OTOGL: variants seen among roughly 807,000 people sequenced by gnomAD.
OTOGL encodes the protein otogelin-like protein.
In OTOGL, 285 loss-of-function variants were observed where a neutral mutation model predicts 318.5. The ratio of observed to expected loss-of-function variants is 0.89; its 90% CI spans 0.81 to 0.99. OTOGL has a LOEUF of 0.99. Among genes scored for constraint, OTOGL ranks in the 50% least tolerant of loss-of-function variants. OTOGL has a pLI of 0.00. For synonymous variants in OTOGL, 987 were observed against 936.5 expected, an observed-to-expected ratio of 1.05 and a Z score of -0.99; for missense variants, 2,899 against 2,845.6, an observed-to-expected ratio of 1.02 and a Z score of -0.43.
At chr12:80,355,057 A>C (rs914644445) in intron 46 of OTOGL, among the ~76,000 whole-genome samples, 1 of 152,058 alleles carries the variant, frequency 6.6e-6, no homozygotes, top group Non-Finnish European at 1.5e-5. Flanking sequence ...AACTAATTTA[A>C]ATTTATATTA....
At chr12:80,213,494 A>G (rs190702358) in intron 4 of OTOGL, among the ~76,000 whole-genome samples, 14 of 152,156 alleles carry the variant, frequency 9.2e-5, no homozygotes, top group African/African-American at 3.4e-4. Context: ...CAGATCTCAG[A>G]CTCATTTTAC....
At position 80,114,553 on chromosome 12, in the gene OTOGL, C is replaced by T. The variant is rs1052280401; in HGVS notation, c.-20+14948C>T. Among the ~76,000 whole-genome samples, 5 of 152,140 alleles carry T rather than the reference C, an allele frequency of 3.3e-5. 1 individual carries two copies. Among genetic ancestry groups the T allele is most frequent in the South Asian group, 4.2e-4 (2 of 4,804 alleles). On this transcript the variant is annotated intron_variant, in intron 1 of 58. Transcript: ENST00000547103. ...TCTGGCTGCCCTTAACGTTTTTTTC[C>T]ACCATTTCAACCTTGGTGAATCTGA...
chr12:80,180,018 T>G (rs1874808319), intron 1 of OTOGL, among the ~76,000 whole-genome samples: 1 of 152,202 alleles, frequency 6.6e-6, no homozygotes, highest in Non-Finnish European at 1.5e-5. Context: ...GAAGATGTAG[T>G]CTAAGCTGTA....
rs1440977583 is a variant in OTOGL, at chr12:80,356,852, G to C, written c.5957G>C (p.Arg1986Thr). The C allele has an allele frequency of 1.2e-6, 2 of 1,600,044 alleles. No individual in the cohort carries two copies. The highest frequency in any genetic ancestry group is 1.7e-5 in the Admixed American group (1 of 58,122). The change falls in exon 49 of 59, where the codon AGA (arginine) becomes ACA (threonine). Residue 1986 changes from arginine (R) to threonine (T), a missense_variant. Transcript: ENST00000547103. ...CCCAGTATTTCAACACCAGAATGCA[G>C]AGAAGATCAATTCATGATTCAAGTT... ...KCPSISTPEC[R>T]EDQFMIQVRQ...
At chr12:80,265,330 T>G (rs1882870638) in intron 20 of OTOGL, 120 bp downstream of exon 20, 2 of 1,017,360 alleles carry the variant, frequency 2.0e-6, no homozygotes, top group African/African-American at 1.6e-5. Flanking sequence ...ATTTGAAATA[T>G]TCTCATAATG....
rs1311252854 is a variant in OTOGL, at chr12:80,253,517, GTT to G, written c.1340_1341del (p.Phe447SerfsTer12). On this transcript the variant is annotated frameshift_variant, in exon 14 of 59. Transcript: ENST00000547103. LOFTEE classifies it high-confidence loss of function. Reference sequence around the variant, plus strand: ...ATCTCCTTGGAAAATTGCCCATGCGGTTTTCATGGATTAGCTTATTCAGTTGG... The same window carrying G: ...ATCTCCTTGGAAAATTGCCCATGCGGTTCATGGATTAGCTTATTCAGTTGG... 1 of 1,613,206 alleles carries G rather than the reference GTT, an allele frequency of 6.2e-7. No individual in the cohort carries two copies. Among genetic ancestry groups the G allele is most frequent in the African/African-American group, 1.3e-5 (1 of 74,892 alleles).
At position 80,217,678 on chromosome 12, in the gene OTOGL, C is replaced by T. The variant is rs778415688; in HGVS notation, c.235+14C>T. Reference sequence around the variant, plus strand: ...GCAAAATAAAAGGTCAGTGTTTATACTTAGGTTTTCATATTTGCTTTCTCA... The same window carrying T: ...GCAAAATAAAAGGTCAGTGTTTATATTTAGGTTTTCATATTTGCTTTCTCA... On this transcript the variant is annotated intron_variant, in intron 5 of 58. Transcript: ENST00000547103. 6.1e-6 allele frequency: 9 copies of T among 1,484,712 alleles called. No homozygotes were observed. The East Asian group carries it at 2.1e-4, about 34-fold the overall frequency. The allele number at this position is 1,484,712 out of a possible 1,614,324, so 92.0% of individuals were successfully genotyped here.
chr12:80,139,306 C>CT (rs1216955871), intron 1 of OTOGL, among the ~76,000 whole-genome samples: 1 of 152,084 alleles, frequency 6.6e-6, no homozygotes, highest in Non-Finnish European at 1.5e-5. Flanking sequence ...CTCTGTAAGC[C>CT]TTTTTTAAAT....
intron 9 of OTOGL, among the ~76,000 whole-genome samples, chr12:80,236,426 C>T (rs1394164941): frequency 6.6e-6 from 1 of 152,166 alleles, no homozygotes; most frequent in African/African-American, 2.4e-5. Flanking sequence ...GAAAAATCTC[C>T]TGATAAACAA....
intron 57 of OTOGL, 83 bp from the exon 58 acceptor site, chr12:80,377,040 A>G: frequency 1.1e-6 from 1 of 909,834 alleles, no homozygotes; most frequent in Non-Finnish European, 1.6e-6. Flanking sequence ...CCAATTTTCA[A>G]CTGTAAATAT....
At chr12:80,174,009 A>G (rs753067575) in intron 1 of OTOGL, among the ~76,000 whole-genome samples, 1 of 152,232 alleles carries the variant, frequency 6.6e-6, no homozygotes, top group Non-Finnish European at 1.5e-5. Context: ...CTGTATTCCT[A>G]TATGAAGAGT....
intron 32 of OTOGL, 106 bp downstream of exon 32, chr12:80,314,437 C>T (rs567466175): frequency 1.3e-4 from 45 of 351,170 alleles, no homozygotes; most frequent in Admixed American, 1.1e-3. Flanking sequence ...ATAAATAGTT[C>T]ATAACTATAT....
At chr12:80,257,178 G>T (rs1406952922) in intron 17 of OTOGL, among the ~76,000 whole-genome samples, 1 of 152,082 alleles carries the variant, frequency 6.6e-6, no homozygotes. Context: ...CAGGTGTCAG[G>T]CTAGGGAAGT....
At chr12:80,138,150 A>G (rs1036418719) in intron 1 of OTOGL, among the ~76,000 whole-genome samples, 3 of 152,134 alleles carry the variant, frequency 2.0e-5, no homozygotes, top group Non-Finnish European at 4.4e-5. Context: ...AATCAGAATG[A>G]ACGAGTTCCC....
chr12:80,318,601 G>T lies in OTOGL; in HGVS notation c.3690G>T (p.Leu1230=). The change falls in exon 33 of 59, where the codon CTG becomes CTT. Residue 1230 remains leucine (L), a synonymous_variant. Transcript: ENST00000547103. ...GCTATGGGCAGAGTGGCCTTGTTCT[G>T]GGGGCCAATATGACCAGCAGAAGCG... The part of the protein sequence containing the change: ...LASYGQSGLV[L]GANMTSRSVF... 6.9e-7 allele frequency: 1 copy of T among 1,452,418 alleles called. No individual in the cohort carries two copies. The highest frequency in any genetic ancestry group is 2.7e-5 in the East Asian group (1 of 36,516). The allele number at this position is 1,452,418 out of a possible 1,614,324, so 90.0% of individuals were successfully genotyped here. A position where few individuals can be genotyped will look rare whatever the true frequency, so the allele number is the denominator to read the frequency against.
intron 1 of OTOGL, among the ~76,000 whole-genome samples, chr12:80,118,462 G>T (rs1269081053): frequency 2.0e-5 from 3 of 152,168 alleles, no homozygotes; most frequent in Non-Finnish European, 2.9e-5. Context: ...GCTTAGGAAG[G>T]TGAAGTGGAC....
intron 56 of OTOGL, among the ~76,000 whole-genome samples, chr12:80,371,338 A>T (rs1035686092): frequency 1.3e-5 from 2 of 152,034 alleles, no homozygotes; most frequent in Non-Finnish European, 2.9e-5. Context: ...GTCTAGTCTC[A>T]TTGATTTTTT....
At chr12:80,355,293 T>C (rs1889818630) in intron 46 of OTOGL, among the ~76,000 whole-genome samples, 1 of 145,418 alleles carries the variant, frequency 6.9e-6, no homozygotes, top group South Asian at 2.2e-4. Context: ...ACAGTGGTCA[T>C]AGCTCACTGA....
At chr12:80,160,802 A>G (rs964171112) in intron 1 of OTOGL, among the ~76,000 whole-genome samples, 1 of 152,146 alleles carries the variant, frequency 6.6e-6, no homozygotes, top group East Asian at 1.9e-4. Context: ...ACAGCAGCAC[A>G]GTTCACAATT....
Sources: allele counts gnomAD v4.1 joint callset (sites outside exome capture counted in the v4.1 genomes callset), GRCh38; gene constraint gnomAD v4.1.1; transcripts MANE v1.5; gene names NCBI Gene and HGNC (gene_info 2026-07-23, HGNC 2026-07-21).